Variants in NFATC2 observed in about 807,000 individuals in gnomAD.
The protein encoded by NFATC2 is nuclear factor of activated T cells 2.
In NFATC2, 22 loss-of-function variants were observed where a neutral mutation model predicts 87.3. The observed-to-expected ratio is 0.25, with a 90% CI of 0.18 to 0.36. The LOEUF (loss-of-function observed/expected upper bound fraction) is 0.36. NFATC2 is among the 10% of genes least tolerant of loss of function. NFATC2 has a pLI of 1.00. For synonymous variants in NFATC2, 565 were observed against 542.2 expected (o/e 1.04, Z -0.58); for missense variants, 1,149 against 1,259.1 (o/e 0.91, Z 1.32).
At chr20:51,433,632 T>C (rs1983099658) in intron 8 of NFATC2, among the ~76,000 whole-genome samples, 1 of 152,136 alleles carries the variant, frequency 6.6e-6, no homozygotes, top group Non-Finnish European at 1.5e-5. Context: ...CCAACATCCA[T>C]ACTAAAGCAT....
At chr20:51,544,325 G>A (rs1274444050), upstream of NFATC2, among the ~76,000 whole-genome samples, 1 of 152,076 alleles carries the variant, frequency 6.6e-6, no homozygotes, top group East Asian at 1.9e-4. Flanking sequence ...CTAAGGTGCA[G>A]CCAGTGTTGA....
In NFATC2 at chr20:51,523,693, A is replaced by G. The variant is rs764861271; in HGVS notation, c.548T>C (p.Phe183Ser). The G allele has an allele frequency of 2.5e-6, 4 of 1,612,860 alleles. No individual in the cohort carries two copies. Among genetic ancestry groups the G allele is most frequent in the Non-Finnish European group, 3.4e-6 (4 of 1,179,382 alleles). ...GSSASFISDT[F>S]SPYTSPCVSP... is the part of the protein sequence containing the mutation. ...GACGCAGGGCGAGGTGTAGGGGGAG[A>G]AGGTGTCAGAAATGAAGCTGGCAGA... Residue 183 changes from phenylalanine to serine, a missense_variant, in exon 2 of 11, where the codon TTC becomes TCC. Coordinates refer to ENST00000371564, the MANE Select transcript of NFATC2 (RefSeq NM_012340.5). The surrounding 1 kb of genome is among the most constrained non-coding windows in gnomAD (Gnocchi z 6.9).
chr20:51,513,123 C>T (rs2076298257), intron 3 of NFATC2, among the ~76,000 whole-genome samples: 1 of 152,140 alleles, frequency 6.6e-6, no homozygotes, highest in Non-Finnish European at 1.5e-5. Flanking sequence ...AAAGACTCCA[C>T]TTTTTGTCTT....
At chr20:51,436,967 G>C (rs1042621086) in intron 6 of NFATC2, among the ~76,000 whole-genome samples, 1 of 152,092 alleles carries the variant, frequency 6.6e-6, no homozygotes, top group Admixed American at 6.5e-5. Flanking sequence ...AGAGCAGAAA[G>C]ACAGGGGCTC....
rs1227806048 is a variant in NFATC2, at chr20:51,523,399, G to A, written c.842C>T (p.Ser281Phe). Residue 281 changes from serine (S) to phenylalanine (F), a missense_variant, in exon 2 of 11, where the codon TCT becomes TTT. By Grantham distance (155) the Ser-to-Phe change is radical. Transcript: ENST00000371564. The surrounding 1 kb of genome is among the most constrained non-coding windows in gnomAD (Gnocchi z 6.9). The part of the protein sequence containing the change: ...RSRSPSPQPS[S>F]HVAPQDHGSP... ...GCCGTGGTCCTGGGGTGCCACGTGA[G>A]ATGAGGGCTGCGGCGAGGGGCTCCG... 8.7e-6 allele frequency: 14 copies of A among 1,609,808 alleles called. No individual in the cohort carries two copies. The Admixed American group carries it at 2.3e-4, about 27-fold the overall frequency.
chr20:51,415,567 G>A (rs1979934818), intron 9 of NFATC2, among the ~76,000 whole-genome samples: 1 of 152,212 alleles, frequency 6.6e-6, no homozygotes, highest in Admixed American at 6.5e-5. Flanking sequence ...CAGGGCTGGG[G>A]ACCAGTGACA....
chr20:51,547,718 G>A (rs867765998), upstream of NFATC2, among the ~76,000 whole-genome samples: 3 of 152,102 alleles, frequency 2.0e-5, no homozygotes, highest in Non-Finnish European at 4.4e-5. Flanking sequence ...GTATTGCTCT[G>A]CCTGTAATCC....
intron 9 of NFATC2, among the ~76,000 whole-genome samples, chr20:51,425,139 A>G (rs1355186555): frequency 1.3e-5 from 2 of 152,224 alleles, no homozygotes; most frequent in Admixed American, 6.5e-5. Context: ...AGGAGGCTAG[A>G]GAAAAACCAG....
At chr20:51,444,225 G>T (rs980951893) in intron 6 of NFATC2, among the ~76,000 whole-genome samples, 2 of 151,788 alleles carry the variant, frequency 1.3e-5, no homozygotes, top group African/African-American at 4.8e-5. Context: ...CAGGTGATCC[G>T]CCCGCCTTGG....
intron 1 of NFATC2, among the ~76,000 whole-genome samples, chr20:51,541,396 C>G (rs1046466349): frequency 3.3e-5 from 5 of 152,180 alleles, no homozygotes; most frequent in Admixed American, 6.5e-5. Flanking sequence ...TCCAAGACAA[C>G]CTGCTAACCA....
chr20:51,539,880 G>C (rs1368880533), intron 1 of NFATC2, among the ~76,000 whole-genome samples: 4 of 152,158 alleles, frequency 2.6e-5, no homozygotes, highest in Non-Finnish European at 5.9e-5. Flanking sequence ...CCAGATTCTG[G>C]AGTATTACTC....
chr20:51,513,278 G>C (rs111950931), intron 3 of NFATC2, among the ~76,000 whole-genome samples: 6 of 152,248 alleles, frequency 3.9e-5, no homozygotes, highest in African/African-American at 1.4e-4. Flanking sequence ...AGGAGTTCAA[G>C]ACCAGCCTAA....
intron 5 of NFATC2, among the ~76,000 whole-genome samples, chr20:51,471,329 C>T (rs906490832): frequency 2.0e-5 from 3 of 152,134 alleles, no homozygotes; most frequent in Non-Finnish European, 1.5e-5. Context: ...TCCCCCAAAT[C>T]GCTGCAAGTT....
chr20:51,521,992 T>C (rs559260433), intron 2 of NFATC2, among the ~76,000 whole-genome samples: 262 of 152,312 alleles, frequency 1.7e-3, no homozygotes, highest in Middle Eastern at 3.4e-3. Flanking sequence ...TTTGAGTCCA[T>C]GTGGTGTGCA....
At chr20:51,496,984 G>A (rs2075999805) in intron 3 of NFATC2, among the ~76,000 whole-genome samples, 1 of 152,196 alleles carries the variant, frequency 6.6e-6, no homozygotes, top group South Asian at 2.1e-4. Context: ...GGTGGCAGGG[G>A]CTAGAATCCA....
At chr20:51,537,327 G>A (rs907451608) in intron 1 of NFATC2, among the ~76,000 whole-genome samples, 6 of 152,136 alleles carry the variant, frequency 3.9e-5, no homozygotes, top group Admixed American at 6.5e-5. Context: ...GCATGCACAC[G>A]CATCGTGTGT....
upstream of NFATC2, among the ~76,000 whole-genome samples, chr20:51,547,167 G>A (rs546867113): frequency 7.5e-4 from 114 of 152,264 alleles, no homozygotes; most frequent in Non-Finnish European, 1.4e-3. Flanking sequence ...AAATTGCAGG[G>A]GCAAGGGTTG....
intron 1 of NFATC2, among the ~76,000 whole-genome samples, chr20:51,528,507 C>CAG (rs2076582895): frequency 3.3e-5 from 5 of 152,102 alleles, no homozygotes; most frequent in African/African-American, 1.2e-4. Flanking sequence ...GATGTACACA[C>CAG]ACATATGTAC....
Position 51,480,329 on chromosome 20 carries a change from T to G in NFATC2, c.1333-4669A>C, listed in dbSNP as rs1159162114. Among the ~76,000 whole-genome samples the G allele has an allele frequency of 6.6e-5, 10 of 150,426 alleles. No homozygotes were observed. ...GCTTCCTGCCGCACAGGAGAGAGAG[T>G]GGGGCAGGAAGGAGGGAGAAAAGAA... is the stretch of plus-strand genomic sequence containing the variant. On this transcript the variant is annotated intron_variant, in intron 3 of 10. Transcript: ENST00000371564. This position sits in a 1 kb window ranked among gnomAD's most constrained non-coding sequence, Gnocchi z 4.2.
Sources: allele counts gnomAD v4.1 joint callset (sites outside exome capture counted in the v4.1 genomes callset), GRCh38; gene constraint gnomAD v4.1.1; non-coding constraint Gnocchi (gnomAD v3.1); transcripts MANE v1.5; gene names NCBI Gene and HGNC (gene_info 2026-07-23, HGNC 2026-07-21).